PRKCQ: variants seen among roughly 807,000 people sequenced by gnomAD.
PRKCQ encodes the protein protein kinase C theta type.
In PRKCQ, 41 loss-of-function variants were observed where a neutral mutation model predicts 91.2. The ratio of observed to expected loss-of-function variants is 0.45; its 90% CI spans 0.35 to 0.58. PRKCQ has a LOEUF of 0.58. Ranked by LOEUF, PRKCQ falls within the 20% of genes least tolerant of loss-of-function variation. PRKCQ has a pLI of 0.00. For missense variants in PRKCQ, 673 were observed against 896.5 expected (o/e 0.75, Z 3.18); for synonymous variants, 307 against 316.9 (o/e 0.97, Z 0.33).
In PRKCQ at chr10:6,521,030, C is replaced by T. The variant is rs17137609; in HGVS notation, c.-9-5886G>A. On this transcript the variant is annotated intron_variant, in intron 1 of 17. Coordinates refer to ENST00000263125, the MANE Select transcript of PRKCQ (RefSeq NM_006257.5). Reference sequence around the variant, plus strand: ...GATAAACAATTTCCCTTTGTGATCACATTCCTTTGGAGATGTGGTCAGCTT... The same window carrying T: ...GATAAACAATTTCCCTTTGTGATCATATTCCTTTGGAGATGTGGTCAGCTT... Among the ~76,000 whole-genome samples, 112 of 152,324 alleles carry T rather than the reference C, an allele frequency of 7.4e-4. 3 individuals are homozygous for T. In the East Asian group the frequency reaches 0.019, roughly 26 times the overall value.
rs1447619852 is a variant in PRKCQ at position 6,464,327 on chromosome 10, G to T, written c.1431C>A (p.Asp477Glu). The T allele has an allele frequency of 1.2e-6, 2 of 1,613,892 alleles. No individual in the cohort carries two copies. The highest frequency in any genetic ancestry group is 3.3e-5 in the Admixed American group (2 of 59,960). Residue 477 changes from aspartate to glutamate, a missense_variant, in exon 13 of 18, where the codon GAC becomes GAA. Physicochemically the swap from Asp to Glu is conservative, Grantham distance 45. Coordinates refer to ENST00000263125, the MANE Select transcript of PRKCQ (RefSeq NM_006257.5). ...AAGCCTCTTACGTCGCTCTGGAAAG[G>T]TCGAACTTGTGGCAGCTTTGGATGT... ...MYHIQSCHKF[D>E]LSRATFYAAE...
chr10:6,578,694 G>A (rs1158968478), intron 1 of PRKCQ, among the ~76,000 whole-genome samples: 1 of 152,218 alleles, frequency 6.6e-6, no homozygotes, highest in Non-Finnish European at 1.5e-5. Context: ...TCAAACAATG[G>A]CACTGATCTC....
chr10:6,424,419 G>A (rs913005855), downstream of PRKCQ, among the ~76,000 whole-genome samples: 10 of 152,150 alleles, frequency 6.6e-5, no homozygotes, highest in South Asian at 2.1e-4. Flanking sequence ...CTTCTCACCC[G>A]CCCATGCTCA....
At chr10:6,532,774 C>A (rs1839437787) in intron 1 of PRKCQ, among the ~76,000 whole-genome samples, 1 of 152,158 alleles carries the variant, frequency 6.6e-6, no homozygotes. Context: ...TTACAGTTTA[C>A]AAATAGCTTT....
At chr10:6,480,816 G>A (rs142487310) in intron 11 of PRKCQ, among the ~76,000 whole-genome samples, 7 of 152,320 alleles carry the variant, frequency 4.6e-5, no homozygotes, top group Admixed American at 2.6e-4. Flanking sequence ...TAAAAGCGAC[G>A]GAGCAGGTTC....
intron 1 of PRKCQ, among the ~76,000 whole-genome samples, chr10:6,521,817 G>A (rs1839014219): frequency 2.0e-5 from 3 of 152,090 alleles, no homozygotes; most frequent in Non-Finnish European, 2.9e-5. Context: ...TATCATGATG[G>A]ATATCAGGTA....
Position 6,498,395 on chromosome 10 carries a change from C to A in PRKCQ, c.542+1G>T. 2.5e-6 allele frequency: 4 copies of A among 1,613,974 alleles called. No individual in the cohort carries two copies. The highest frequency in any genetic ancestry group is 3.4e-6 in the Non-Finnish European group (4 of 1,179,986). ...TGGAGGGAGATGCCAAGTTACTGTA[C>A]CAGACAAACTCGTGGCAGACAGAGC... On this transcript the variant is annotated splice_donor_variant, in intron 5 of 17. Coordinates refer to ENST00000263125, the MANE Select transcript of PRKCQ (RefSeq NM_006257.5). LOFTEE classifies it high-confidence loss of function.
chr10:6,401,330 G>A, the PRKCQ span, among the ~76,000 whole-genome samples: 1 of 152,244 alleles, frequency 6.6e-6, no homozygotes, highest in African/African-American at 2.4e-5. Flanking sequence ...CCGGGTGACC[G>A]TTCTCAAGCT....
chr10:6,496,216 C>CAAA (rs199934718), intron 7 of PRKCQ, among the ~76,000 whole-genome samples: 4 of 94,206 alleles, frequency 4.2e-5, no homozygotes, highest in African/African-American at 1.1e-4. Context: ...GATTCCATCT[C>CAAA]AAAAAAAAAA....
Position 6,430,098 on chromosome 10 carries a change from A to AC in PRKCQ, c.1965+711dup, listed in dbSNP as rs1242143222. On this transcript the variant is annotated intron_variant, in intron 17 of 17. Transcript: ENST00000263125. This position sits in a 1 kb window ranked among gnomAD's most constrained non-coding sequence, Gnocchi z 4.7. ...TCGAACTCCTGACCTCAGGTGATCC[A>AC]CCCGCCTCGGCTTTCCAAAGTGCTG... is the stretch of plus-strand genomic sequence containing the variant. Among the ~76,000 whole-genome samples the AC allele has an allele frequency of 6.6e-6, 1 of 151,986 alleles. No homozygotes were observed. The highest frequency in any genetic ancestry group is 1.5e-5 in the Non-Finnish European group (1 of 67,978).
At position 6,553,504 on chromosome 10, in the gene PRKCQ, AAAAAAAAAAAAAACAAACAAAC is replaced by A. The variant is rs1167195727; in HGVS notation, c.-10+26685_-10+26706del. On this transcript the variant is annotated intron_variant, in intron 1 of 17. Coordinates refer to ENST00000263125, the MANE Select transcript of PRKCQ (RefSeq NM_006257.5). ...GACCCTGTCTCAAAAAAAAAAAAAA[AAAAAAAAAAAAAACAAACAAAC>A]AAAAGAAGAAGAAGAAGAAAGAAAT... is the stretch of plus-strand genomic sequence containing the variant. Among the ~76,000 whole-genome samples, 1,378 of 145,476 alleles carry A rather than the reference AAAAAAAAAAAAAACAAACAAAC, an allele frequency of 9.5e-3. 33 individuals carry two copies. The highest frequency in any genetic ancestry group is 0.034 in the African/African-American group (1,337 of 39,630).
the PRKCQ span, among the ~76,000 whole-genome samples, chr10:6,404,511 C>CTCCTTCCTCCCTCCT: frequency 3.5e-5 from 5 of 144,710 alleles, no homozygotes; most frequent in African/African-American, 1.3e-4. Context: ...TTCTCTGTCT[C>CTCCTTCCTCCCTCCT]TCCTTCCTCC....
intron 15 of PRKCQ, among the ~76,000 whole-genome samples, chr10:6,446,620 C>T (rs1235082808): frequency 6.6e-6 from 1 of 152,172 alleles, no homozygotes; most frequent in East Asian, 1.9e-4. Flanking sequence ...CCTACCTCCG[C>T]CTCCCAAAGT....
At chr10:6,528,690 T>C (rs963377795) in intron 1 of PRKCQ, among the ~76,000 whole-genome samples, 1 of 152,228 alleles carries the variant, frequency 6.6e-6, no homozygotes. Context: ...CAACAGCACC[T>C]GAACCCAGCT....
chr10:6,574,622 C>G (rs763426380), intron 1 of PRKCQ, among the ~76,000 whole-genome samples: 2 of 152,192 alleles, frequency 1.3e-5, no homozygotes, highest in African/African-American at 2.4e-5. Flanking sequence ...TCACTGCTAT[C>G]AGAGATCACA....
At chr10:6,473,614 G>C (rs1316906508) in intron 12 of PRKCQ, among the ~76,000 whole-genome samples, 1 of 152,204 alleles carries the variant, frequency 6.6e-6, no homozygotes, top group Admixed American at 6.5e-5. Flanking sequence ...TTGTCTTAGT[G>C]CAGGGACACG....
At chr10:6,531,202 GATGC>G (rs1291933287) in intron 1 of PRKCQ, among the ~76,000 whole-genome samples, 2 of 151,754 alleles carry the variant, frequency 1.3e-5, no homozygotes, top group Non-Finnish European at 2.9e-5. Flanking sequence ...CCAGGGAACG[GATGC>G]ATATTGAAGT....
intron 1 of PRKCQ, among the ~76,000 whole-genome samples, chr10:6,566,229 G>C (rs2130965296): frequency 6.6e-6 from 1 of 152,330 alleles, no homozygotes; most frequent in Admixed American, 6.5e-5. Flanking sequence ...TCCCATGTTT[G>C]TGGGACTGCA....
intron 1 of PRKCQ, among the ~76,000 whole-genome samples, chr10:6,538,540 C>T (rs1226769912): frequency 1.3e-5 from 2 of 152,246 alleles, no homozygotes. Flanking sequence ...GATGCCCCCT[C>T]CCTGGCTCCT....
Sources: allele counts gnomAD v4.1 joint callset (sites outside exome capture counted in the v4.1 genomes callset), GRCh38; gene constraint gnomAD v4.1.1; non-coding constraint Gnocchi (gnomAD v3.1); transcripts MANE v1.5; gene names NCBI Gene and HGNC (gene_info 2026-07-23, HGNC 2026-07-21).